ARHGAP42: variants seen among roughly 807,000 people sequenced by gnomAD.
The protein encoded by ARHGAP42 is Rho GTPase activating protein 42, also known as rho GTPase-activating protein 42.
In ARHGAP42, 63 loss-of-function variants were observed where a neutral mutation model predicts 125.0. The observed-to-expected ratio is 0.50, with a 90% CI of 0.41 to 0.62. The LOEUF (loss-of-function observed/expected upper bound fraction) is 0.62. Among genes scored for constraint, ARHGAP42 ranks in the 20% least tolerant of loss-of-function variants. ARHGAP42 has a pLI of 0.00. For missense variants in ARHGAP42, 766 were observed against 1,024.2 expected (o/e 0.75, Z 3.44); for synonymous variants, 339 against 351.0 (o/e 0.97, Z 0.38).
intron 8 of ARHGAP42, among the ~76,000 whole-genome samples, chr11:100,936,973 G>A (rs1230752936): frequency 6.6e-6 from 1 of 152,198 alleles, no homozygotes; most frequent in African/African-American, 2.4e-5. Context: ...AACCGGATAT[G>A]CCCTAAGGCA....
At chr11:100,762,490 C>A (rs180828312) in intron 1 of ARHGAP42, among the ~76,000 whole-genome samples, 29 of 152,302 alleles carry the variant, frequency 1.9e-4, no homozygotes, top group African/African-American at 5.5e-4. Context: ...CTGTTAGTTA[C>A]TCAAACTTCC....
chr11:100,983,921 C>G (rs1427667687), intron 22 of ARHGAP42, among the ~76,000 whole-genome samples: 1 of 152,136 alleles, frequency 6.6e-6, no homozygotes, highest in Non-Finnish European at 1.5e-5. Flanking sequence ...AGTGGACCGC[C>G]TGAGCCCAGG....
intron 3 of ARHGAP42, among the ~76,000 whole-genome samples, chr11:100,857,055 T>G (rs1565244341): frequency 1.3e-5 from 2 of 152,044 alleles, no homozygotes; most frequent in African/African-American, 4.8e-5. Context: ...GATCTCTATA[T>G]TGTGAAGACC....
intron 1 of ARHGAP42, among the ~76,000 whole-genome samples, chr11:100,756,559 T>A (rs1454471917): frequency 6.6e-6 from 1 of 152,200 alleles, no homozygotes; most frequent in Non-Finnish European, 1.5e-5. Flanking sequence ...GCATATACAT[T>A]TGTTAAGTTT....
intron 1 of ARHGAP42, among the ~76,000 whole-genome samples, chr11:100,717,946 G>A (rs531348374): frequency 4.7e-5 from 7 of 147,788 alleles, no homozygotes; most frequent in South Asian, 2.1e-4. Context: ...AAAAGACACC[G>A]TAGTGTATTC....
intron 3 of ARHGAP42, among the ~76,000 whole-genome samples, chr11:100,805,624 ATACTT>A (rs1326434015): frequency 6.6e-6 from 1 of 152,198 alleles, no homozygotes; most frequent in Non-Finnish European, 1.5e-5. Flanking sequence ...TCAACTGACT[ATACTT>A]ATAGTTACTT....
intron 14 of ARHGAP42, 97 bp downstream of exon 14, chr11:100,961,086 C>A: frequency 2.7e-6 from 2 of 737,590 alleles, no homozygotes; most frequent in South Asian, 3.1e-5. Flanking sequence ...TGAATATTTT[C>A]AAATAATATT....
At chr11:100,924,310 A>G (rs1867360260) in intron 6 of ARHGAP42, among the ~76,000 whole-genome samples, 1 of 152,064 alleles carries the variant, frequency 6.6e-6, no homozygotes, top group Admixed American at 6.5e-5. Context: ...ACATTGTTTT[A>G]ATCAATATCA....
At chr11:100,698,796 G>C (rs1393611738) in intron 1 of ARHGAP42, among the ~76,000 whole-genome samples, 2 of 152,136 alleles carry the variant, frequency 1.3e-5, no homozygotes, top group Non-Finnish European at 2.9e-5. Context: ...TAATCGAGGT[G>C]CCTTTTTTAG....
chr11:100,695,225 C>A (rs112244040), intron 1 of ARHGAP42, among the ~76,000 whole-genome samples: 5 of 152,294 alleles, frequency 3.3e-5, no homozygotes, highest in East Asian at 3.9e-4. Flanking sequence ...GATAACAGGG[C>A]AGTCAATGGA....
chr11:100,857,571 C>G (rs1865349869), intron 3 of ARHGAP42, among the ~76,000 whole-genome samples: 1 of 152,114 alleles, frequency 6.6e-6, no homozygotes, highest in African/African-American at 2.4e-5. Context: ...TTCTTTGAGT[C>G]TTTCCATGAC....
At chr11:100,955,965 G>A (rs980368077) in intron 12 of ARHGAP42, among the ~76,000 whole-genome samples, 5 of 152,098 alleles carry the variant, frequency 3.3e-5, no homozygotes, top group Admixed American at 2.0e-4. Flanking sequence ...CCTCAGAAAT[G>A]ACAATCCTTG....
intron 3 of ARHGAP42, among the ~76,000 whole-genome samples, chr11:100,857,421 G>A (rs1459964881): frequency 6.6e-6 from 1 of 152,050 alleles, no homozygotes; most frequent in Non-Finnish European, 1.5e-5. Context: ...TAAACCATTG[G>A]ATGTGAATGT....
At chr11:100,949,877 A>G in intron 11 of ARHGAP42, 40 bp from the exon 12 acceptor site, 1 of 1,350,682 alleles carries the variant, frequency 7.4e-7, no homozygotes, top group African/African-American at 1.5e-5. Flanking sequence ...GTGCTGGGTC[A>G]TTAACTGGAA....
rs1211752666 is a variant in ARHGAP42, at chr11:100,779,542, A to ATACATACGTATATATACG, written c.250+9106_250+9107insCATACGTATATATACGTA. On this transcript the variant is annotated intron_variant, in intron 2 of 23. Transcript: ENST00000298815. ...TACGTATACATGCGTATATATACGT[A>ATACATACGTATATATACG]TATATATACATATACATACGTATAT... Among the ~76,000 whole-genome samples the ATACATACGTATATATACG allele has an allele frequency of 6.6e-4, 28 of 42,282 alleles. 2 individuals are homozygous for ATACATACGTATATATACG. Among genetic ancestry groups the ATACATACGTATATATACG allele is most frequent in the South Asian group, 1.1e-3 (1 of 882 alleles). 27.7% of individuals were successfully genotyped at this position (42,282 alleles called of 152,430 possible).
intron 12 of ARHGAP42, among the ~76,000 whole-genome samples, chr11:100,956,802 T>C (rs1857816022): frequency 6.6e-6 from 1 of 152,156 alleles, no homozygotes; most frequent in Non-Finnish European, 1.5e-5. Context: ...ATGCCTGATC[T>C]ATGTCTGTTT....
chr11:100,694,614 C>T (rs1861243497), intron 1 of ARHGAP42, among the ~76,000 whole-genome samples: 1 of 152,092 alleles, frequency 6.6e-6, no homozygotes, highest in South Asian at 2.1e-4. Flanking sequence ...GCCAGTCTTC[C>T]TTTTCCTCTA....
At chr11:100,926,784 A>C (rs538739385) in intron 6 of ARHGAP42, among the ~76,000 whole-genome samples, 1 of 152,362 alleles carries the variant, frequency 6.6e-6, no homozygotes, top group African/African-American at 2.4e-5. Context: ...CCTCACCTGT[A>C]CTATGATTGC....
At position 100,978,631 on chromosome 11, in the gene ARHGAP42, C is replaced by A. The variant is rs943695372; in HGVS notation, c.2394-356C>A. Among the ~76,000 whole-genome samples, 5 of 152,218 alleles carry A rather than the reference C, an allele frequency of 3.3e-5. No homozygotes were observed. In the East Asian group the frequency reaches 7.7e-4, roughly 24 times the overall value. On this transcript the variant is annotated intron_variant, in intron 21 of 23. Transcript: ENST00000298815. ...GTTCTTTTGTCATGTTGATTTGATT[C>A]TTTGCATCTTCACTCGTGGCTCCAC...
Sources: gnomAD v4.1 joint callset for allele counts (sites outside exome capture counted in the v4.1 genomes callset) on GRCh38, gnomAD v4.1.1 for gene constraint, MANE v1.5 for transcripts, NCBI Gene and HGNC (gene_info 2026-07-23, HGNC 2026-07-21) for gene names.